GOLM2: variants seen among roughly 807,000 people sequenced by gnomAD.
GOLM2 encodes the protein protein GOLM2.
GOLM2 carries 26 observed loss-of-function variants against 55.9 expected under a neutral mutation model. The observed-to-expected ratio is 0.47, with a 90% confidence interval of 0.34 to 0.65. The LOEUF (loss-of-function observed/expected upper bound fraction) is 0.65. Among genes scored for constraint, GOLM2 ranks in the 30% least tolerant of loss-of-function variants. The probability of loss-of-function intolerance (pLI) is 0.01; values close to 1 mark genes in which losing one functional copy is unlikely to be tolerated. For synonymous variants in GOLM2, 165 were observed against 194.6 expected (o/e 0.85, Z 1.27); for missense variants, 486 against 531.8 (o/e 0.91, Z 0.85).
intron 6 of GOLM2, among the ~76,000 whole-genome samples, chr15:44,353,707 T>C (rs1221879448): frequency 6.6e-6 from 1 of 152,140 alleles, no homozygotes; most frequent in Non-Finnish European, 1.5e-5. Flanking sequence ...TCCTCACTTA[T>C]TTGTGGTGGG....
chr15:44,318,031 TA>T (rs760218437), intron 1 of GOLM2, among the ~76,000 whole-genome samples: 2 of 152,206 alleles, frequency 1.3e-5, no homozygotes, highest in Non-Finnish European at 2.9e-5. Flanking sequence ...AAAGTCCAGA[TA>T]GTAAATACTT....
intron 6 of GOLM2, among the ~76,000 whole-genome samples, chr15:44,340,668 A>G (rs1392960226): frequency 6.6e-6 from 1 of 152,164 alleles, no homozygotes; most frequent in Non-Finnish European, 1.5e-5. Flanking sequence ...ACTTAATCAG[A>G]AATTTTGGAA....
chr15:44,376,132 G>C (rs1342812733), intron 6 of GOLM2, among the ~76,000 whole-genome samples: 1 of 152,220 alleles, frequency 6.6e-6, no homozygotes, highest in African/African-American at 2.4e-5. Context: ...ACTTGGGACG[G>C]CTGAGGCAGG....
intron 6 of GOLM2, among the ~76,000 whole-genome samples, chr15:44,364,124 C>T (rs538086985): frequency 1.2e-4 from 19 of 152,194 alleles, no homozygotes; most frequent in Non-Finnish European, 2.2e-4. Context: ...CGCGCACCAG[C>T]ATGTCACATG....
intron 6 of GOLM2, 61 bp from the exon 7 acceptor site, chr15:44,379,629 T>TA (rs2079388195): frequency 1.5e-6 from 1 of 688,206 alleles, no homozygotes; most frequent in East Asian, 3.0e-5. Context: ...TTTTTTTTTT[T>TA]TTTTTTTTTA....
At chr15:44,352,098 G>A (rs563774250) in intron 6 of GOLM2, among the ~76,000 whole-genome samples, 3 of 152,040 alleles carry the variant, frequency 2.0e-5, no homozygotes, top group Non-Finnish European at 4.4e-5. Flanking sequence ...ATCATAAAAG[G>A]CCTAGAATAG....
intron 9 of GOLM2, among the ~76,000 whole-genome samples, chr15:44,412,213 C>G (rs551727915): frequency 6.6e-6 from 1 of 152,138 alleles, no homozygotes; most frequent in Non-Finnish European, 1.5e-5. Context: ...TCAGCAGTCT[C>G]ATTTCAAAAC....
chr15:44,321,531 G>A (rs1375530537), intron 1 of GOLM2, among the ~76,000 whole-genome samples: 1 of 151,160 alleles, frequency 6.6e-6, no homozygotes, highest in Non-Finnish European at 1.5e-5. Context: ...GATGATAAAA[G>A]TATTCTGCAT....
At chr15:44,339,115 A>C (rs1262271876) in intron 6 of GOLM2, among the ~76,000 whole-genome samples, 2 of 152,174 alleles carry the variant, frequency 1.3e-5, no homozygotes, top group Non-Finnish European at 2.9e-5. Flanking sequence ...CTAGTTGTAC[A>C]TGACTGAAAT....
intron 4 of GOLM2, among the ~76,000 whole-genome samples, chr15:44,334,214 C>T (rs187113081): frequency 5.9e-5 from 9 of 152,272 alleles, no homozygotes; most frequent in Non-Finnish European, 8.8e-5. Flanking sequence ...AGAACTTCTC[C>T]TTTCTGGGTA....
chr15:44,388,756 T>G (rs1198860388), intron 8 of GOLM2, among the ~76,000 whole-genome samples: 1 of 152,138 alleles, frequency 6.6e-6, no homozygotes, highest in Non-Finnish European at 1.5e-5. Context: ...CAAATCATCC[T>G]CCTGCCTTAG....
intron 6 of GOLM2, among the ~76,000 whole-genome samples, chr15:44,366,829 C>T (rs1401771299): frequency 6.6e-6 from 1 of 151,994 alleles, no homozygotes; most frequent in Admixed American, 6.6e-5. Flanking sequence ...GCTACCCGTA[C>T]TCCATTCTGG....
intron 6 of GOLM2, chr15:44,345,747 A>G (rs761446540): frequency 2.0e-5 from 3 of 152,198 alleles, no homozygotes; most frequent in Non-Finnish European, 4.4e-5. Flanking sequence ...GAAACCCTCT[A>G]TAGGTATAAA....
chr15:44,303,643 G>T (rs1381281259), intron 1 of GOLM2, among the ~76,000 whole-genome samples: 2 of 151,878 alleles, frequency 1.3e-5, no homozygotes, highest in Non-Finnish European at 2.9e-5. Flanking sequence ...ATGGCTCACT[G>T]CAGCCTTGAC....
chr15:44,379,388 GA>G (rs1278413953), intron 6 of GOLM2, among the ~76,000 whole-genome samples: 7 of 152,038 alleles, frequency 4.6e-5, no homozygotes, highest in Non-Finnish European at 1.5e-5. Flanking sequence ...GAGGCAGGGA[GA>G]ATCGCTGGAA....
rs1161354325 is a variant in GOLM2 at position 44,364,274 on chromosome 15, AG to A, written c.803-15415del. ...TATGGTGGCTCACATCTGTAATCTC[AG>A]CACTTTGGGAGGCTGAGGCAGGTGG... On this transcript the variant is annotated intron_variant, in intron 6 of 9. Transcript: ENST00000299957. Among the ~76,000 whole-genome samples the A allele has an allele frequency of 3.6e-4, 55 of 152,278 alleles. No individual in the cohort carries two copies. The East Asian group carries it at 4.4e-3, about 12-fold the overall frequency.
chr15:44,289,344 C>A lies in GOLM2; in HGVS notation c.315C>A (p.Cys105Ter), dbSNP rs1356879538. Reference sequence around the variant, plus strand: ...CCAGAGAGGGCCTCGGGAAGAGATGCGAGGATGACAAGGTAAGGACGACCC... The same window carrying A: ...CCAGAGAGGGCCTCGGGAAGAGATGAGAGGATGACAAGGTAAGGACGACCC... Reference protein sequence around the residue: ...LQAREGLGKRCEDDKVKLQNN... With the variant: ...LQAREGLGKR Residue 105 changes from cysteine to a stop codon, truncating the protein, a stop_gained, in exon 1 of 10, where the codon TGC becomes TGA. Transcript: ENST00000299957. LOFTEE classifies it high-confidence loss of function. The surrounding 1 kb of genome is among the most constrained non-coding windows in gnomAD (Gnocchi z 4.8). The A allele has an allele frequency of 6.2e-7, 1 of 1,612,006 alleles. No individual in the cohort carries two copies. Among genetic ancestry groups the A allele is most frequent in the Admixed American group, 1.7e-5 (1 of 59,572 alleles).
rs537327526 is a variant in GOLM2 at position 44,376,868 on chromosome 15, G to T, written c.803-2822G>T. ...GAAGCCCTCTAACTATTCTATCCTA[G>T]GTATAAATAAATACCTTTCTCCTTA... is the stretch of plus-strand genomic sequence containing the variant. On this transcript the variant is annotated intron_variant, in intron 6 of 9. Coordinates refer to ENST00000299957, the MANE Select transcript of GOLM2 (RefSeq NM_138423.4). 4.5e-3 allele frequency among the ~76,000 whole-genome samples: 677 copies of T among 152,056 alleles called. 4 individuals carry two copies. The highest frequency in any genetic ancestry group is 0.016 in the African/African-American group (645 of 41,462).
chr15:44,327,086 G>T (rs1050268291), intron 2 of GOLM2, among the ~76,000 whole-genome samples: 1 of 151,564 alleles, frequency 6.6e-6, no homozygotes, highest in African/African-American at 2.4e-5. Context: ...AAGTAGCTGG[G>T]ATTACAGGCT....
Sources: gnomAD v4.1 joint callset for allele counts (sites outside exome capture counted in the v4.1 genomes callset) on GRCh38, gnomAD v4.1.1 for gene constraint, Gnocchi (gnomAD v3.1) non-coding constraint, MANE v1.5 for transcripts, NCBI Gene and HGNC (gene_info 2026-07-23, HGNC 2026-07-21) for gene names.